MYO3B: variants seen among roughly 807,000 people sequenced by gnomAD.
MYO3B encodes the protein myosin-IIIb.
In MYO3B, 156 loss-of-function variants were observed where a neutral mutation model predicts 174.6. The ratio of observed to expected loss-of-function variants is 0.89; its 90% CI spans 0.78 to 1.02. The LOEUF (loss-of-function observed/expected upper bound fraction) is 1.02. Ranked by LOEUF, MYO3B falls within the 50% of genes least tolerant of loss-of-function variation. MYO3B has a pLI of 0.00. For missense variants in MYO3B, 1,632 were observed against 1,639.4 expected (o/e 1.00, Z 0.08); for synonymous variants, 563 against 569.1 (o/e 0.99, Z 0.15).
At chr2:170,436,721 G>T (rs931819156) in intron 22 of MYO3B, among the ~76,000 whole-genome samples, 6 of 152,200 alleles carry the variant, frequency 3.9e-5, no homozygotes, top group Non-Finnish European at 8.8e-5. Context: ...TTTGGGGGAA[G>T]AACAATCAGA....
chr2:170,490,032 CTT>C (rs1421250552), intron 25 of MYO3B, among the ~76,000 whole-genome samples: 9 of 139,568 alleles, frequency 6.4e-5, no homozygotes, highest in Non-Finnish European at 9.3e-5. Flanking sequence ...TCTTTTCTTT[CTT>C]TTTTTTTTTT....
intron 26 of MYO3B, among the ~76,000 whole-genome samples, chr2:170,499,262 T>C (rs1216752062): frequency 6.6e-6 from 1 of 152,184 alleles, no homozygotes; most frequent in Non-Finnish European, 1.5e-5. Context: ...ATCATCTAGG[T>C]ACCTCACCCT....
chr2:170,405,504 A>C, intron 20 of MYO3B, 41 bp from the exon 21 acceptor site: 1 of 1,598,574 alleles, frequency 6.3e-7, no homozygotes, highest in Non-Finnish European at 8.6e-7. Flanking sequence ...GAAAGAGGAA[A>C]TAATTCACAT....
intron 8 of MYO3B, among the ~76,000 whole-genome samples, chr2:170,359,771 T>G (rs1393845467): frequency 1.3e-5 from 2 of 152,238 alleles, no homozygotes; most frequent in Non-Finnish European, 2.9e-5. Flanking sequence ...AATTATTTAC[T>G]TCGTCTGCGC....
At chr2:170,267,087 T>C (rs2105361600) in intron 7 of MYO3B, among the ~76,000 whole-genome samples, 1 of 147,498 alleles carries the variant, frequency 6.8e-6, no homozygotes, top group East Asian at 2.0e-4. Flanking sequence ...CTTCCTGTTC[T>C]CAGTGGCTCA....
chr2:170,375,897 C>A (rs948122672), intron 9 of MYO3B, among the ~76,000 whole-genome samples: 1 of 152,086 alleles, frequency 6.6e-6, no homozygotes, highest in South Asian at 2.1e-4. Flanking sequence ...AAATCTATAC[C>A]TTGCTATAAT....
At chr2:170,223,413 A>G (rs1221645212) in intron 6 of MYO3B, among the ~76,000 whole-genome samples, 1 of 152,218 alleles carries the variant, frequency 6.6e-6, no homozygotes, top group Non-Finnish European at 1.5e-5. Flanking sequence ...TTTTAAAAAC[A>G]CTGTCATCTA....
intron 22 of MYO3B, among the ~76,000 whole-genome samples, chr2:170,423,160 T>C (rs1002616971): frequency 4.0e-5 from 6 of 151,352 alleles, no homozygotes; most frequent in African/African-American, 1.5e-4. Flanking sequence ...TTTTTGTATT[T>C]TTAGTAGAGA....
intron 6 of MYO3B, among the ~76,000 whole-genome samples, chr2:170,224,863 GC>G (rs1239793892): frequency 6.6e-6 from 1 of 152,182 alleles, no homozygotes; most frequent in African/African-American, 2.4e-5. Flanking sequence ...AGGGACGGTT[GC>G]CATAACAACT....
chr2:170,449,012 T>C (rs1683422645), intron 23 of MYO3B, among the ~76,000 whole-genome samples: 1 of 152,212 alleles, frequency 6.6e-6, no homozygotes, highest in Non-Finnish European at 1.5e-5. Flanking sequence ...ATTGTACTTT[T>C]AAAGCCTTGA....
intron 1 of MYO3B, among the ~76,000 whole-genome samples, chr2:170,190,206 T>C (rs1332155588): frequency 6.6e-6 from 1 of 151,714 alleles, no homozygotes; most frequent in African/African-American, 2.4e-5. Flanking sequence ...ACAGAGTCTC[T>C]GTCTCTCTCT....
Position 170,498,667 on chromosome 2 carries a change from G to T in MYO3B, c.3090G>T (p.Lys1030Asn), listed in dbSNP as rs773848953. The T allele has an allele frequency of 1.2e-5, 20 of 1,613,786 alleles. No individual in the cohort carries two copies. The highest frequency in any genetic ancestry group is 1.4e-5 in the Non-Finnish European group (16 of 1,179,806). The change falls in exon 26 of 35, where the codon AAG becomes AAT. Residue 1030 changes from lysine to asparagine, a missense_variant. Coordinates refer to ENST00000408978, the MANE Select transcript of MYO3B (RefSeq NM_138995.5). ...AGAGCTGTGTGGCTATCTTGGAAAA[G>T]TCCAGATTAGATCACTGGGTACTGG... Reference protein sequence around the residue: ...SKESCVAILEKSRLDHWVLGK... With the variant: ...SKESCVAILENSRLDHWVLGK...
chr2:170,329,627 C>T (rs1233450827), intron 7 of MYO3B, among the ~76,000 whole-genome samples: 1 of 151,282 alleles, frequency 6.6e-6, no homozygotes, highest in East Asian at 1.9e-4. Context: ...CTCCTGACCT[C>T]AAGTGATCTG....
chr2:170,433,068 C>T (rs533826023), intron 22 of MYO3B, among the ~76,000 whole-genome samples: 1 of 152,248 alleles, frequency 6.6e-6, no homozygotes, highest in Non-Finnish European at 1.5e-5. Context: ...AAGTCTCATT[C>T]ATGTTATGTG....
intron 32 of MYO3B, among the ~76,000 whole-genome samples, chr2:170,551,347 T>A (rs1310853027): frequency 1.4e-5 from 2 of 140,214 alleles, no homozygotes; most frequent in African/African-American, 5.3e-5. Flanking sequence ...TAATTTAATT[T>A]AATTATTTAT....
At chr2:170,646,231 A>G (rs1698361440) in intron 32 of MYO3B, among the ~76,000 whole-genome samples, 1 of 150,638 alleles carries the variant, frequency 6.6e-6, no homozygotes, top group African/African-American at 2.4e-5. Flanking sequence ...AGATCACGCC[A>G]TCGCACTCCA....
At chr2:170,399,265 A>AAG (rs534114607) in intron 16 of MYO3B, among the ~76,000 whole-genome samples, 1 of 104,242 alleles carries the variant, frequency 9.6e-6, no homozygotes, top group South Asian at 3.1e-4. Flanking sequence ...AAAAAAAAAA[A>AAG]AGAGAGAGAC....
chr2:170,529,190 T>C (rs1689185548), intron 30 of MYO3B, among the ~76,000 whole-genome samples: 1 of 152,106 alleles, frequency 6.6e-6, no homozygotes, highest in Admixed American at 6.5e-5. Flanking sequence ...CAACAGACAC[T>C]GGAACCTACT....
chr2:170,610,525 A>C (rs1695072612), intron 32 of MYO3B, among the ~76,000 whole-genome samples: 1 of 152,106 alleles, frequency 6.6e-6, no homozygotes, highest in Non-Finnish European at 1.5e-5. Flanking sequence ...ACAAAAACTC[A>C]CTATAGGCCT....
Sources: allele counts gnomAD v4.1 joint callset (sites outside exome capture counted in the v4.1 genomes callset), GRCh38; gene constraint gnomAD v4.1.1; transcripts MANE v1.5; gene names NCBI Gene and HGNC (gene_info 2026-07-23, HGNC 2026-07-21).